The following SLC6A5 variants were observed in gnomAD, a reference collection of about 807,000 sequenced individuals.
SLC6A5 encodes sodium- and chloride-dependent glycine transporter 2.
In SLC6A5, 58 loss-of-function variants were observed where a neutral mutation model predicts 90.5. The observed-to-expected ratio is 0.64, with a 90% CI of 0.52 to 0.80. The LOEUF is 0.80. Among genes scored for constraint, SLC6A5 ranks in the 30% least tolerant of loss-of-function variants. The pLI, the probability that SLC6A5 is intolerant of heterozygous loss-of-function variation, is 0.00. For missense variants in SLC6A5, 1,015 were observed against 1,017.6 expected, an observed-to-expected ratio of 1.00 and a Z score of 0.03; for synonymous variants, 427 against 401.4, an observed-to-expected ratio of 1.06 and a Z score of -0.76.
chr11:20,605,886 G>GT (rs1157888288), intron 3 of SLC6A5, among the ~76,000 whole-genome samples: 1 of 152,242 alleles, frequency 6.6e-6, no homozygotes, highest in Non-Finnish European at 1.5e-5. Context: ...CAGGACCCCG[G>GT]TTTTACTGCC....
At chr11:20,619,261 G>C (rs1292508021) in intron 7 of SLC6A5, among the ~76,000 whole-genome samples, 1 of 152,212 alleles carries the variant, frequency 6.6e-6, no homozygotes, top group Non-Finnish European at 1.5e-5. Context: ...CCCCAGGCAT[G>C]CTTTGCATCC....
intron 9 of SLC6A5, among the ~76,000 whole-genome samples, chr11:20,629,659 C>T (rs1853069820): frequency 6.6e-6 from 1 of 151,692 alleles, no homozygotes; most frequent in Non-Finnish European, 1.5e-5. Context: ...ACTGACAGTT[C>T]ATTCTTCTAG....
chr11:20,645,438 G>A (rs1303425535), intron 13 of SLC6A5, among the ~76,000 whole-genome samples: 4 of 152,086 alleles, frequency 2.6e-5, no homozygotes, highest in Admixed American at 2.0e-4. Context: ...CTCTGGTGGA[G>A]CTCAGGGCAA....
intron 7 of SLC6A5, among the ~76,000 whole-genome samples, chr11:20,619,158 TA>T (rs1669446078): frequency 6.6e-6 from 1 of 152,144 alleles, no homozygotes; most frequent in African/African-American, 2.4e-5. Context: ...TTGGTTTGAT[TA>T]TCCAGGCCAA....
rs370014190 is a variant in SLC6A5 at position 20,654,841 on chromosome 11, G to A, written c.2367G>A (p.Lys789=). ...TSSLGLKLPV[K]DLELGTQC is the part of the protein sequence containing the mutation. ...CCTTGGGACTCAAACTGCCAGTGAA[G>A]GATTTGGAACTGGGCACTCAGTGCT... The change falls in exon 16 of 16, where the codon AAG becomes AAA. Residue 789 remains lysine, a synonymous_variant. Coordinates refer to ENST00000525748, the MANE Select transcript of SLC6A5 (RefSeq NM_004211.5). The A allele has an allele frequency of 1.1e-5, 18 of 1,614,066 alleles. No individual in the cohort carries two copies. The highest frequency in any genetic ancestry group is 1.4e-5 in the Non-Finnish European group (17 of 1,180,016).
At chr11:20,628,494 T>C (rs141236007) in intron 9 of SLC6A5, among the ~76,000 whole-genome samples, 34 of 152,352 alleles carry the variant, frequency 2.2e-4, no homozygotes, top group African/African-American at 8.2e-4. Flanking sequence ...ATCAGTCACA[T>C]TGGATCAGGG....
At chr11:20,614,569 C>A in intron 5 of SLC6A5, 110 bp from the exon 6 acceptor site, 1 of 1,005,828 alleles carries the variant, frequency 9.9e-7, no homozygotes, top group Non-Finnish European at 1.6e-6. Flanking sequence ...AAGGTACTCT[C>A]CAATATTTGC....
intron 13 of SLC6A5, among the ~76,000 whole-genome samples, chr11:20,638,770 A>T (rs1853259162): frequency 6.6e-6 from 1 of 152,170 alleles, no homozygotes. Context: ...CTGAAGGCGA[A>T]ACTTAAAAAT....
chr11:20,636,281 G>T lies in SLC6A5; in HGVS notation c.1625-26G>T, dbSNP rs745762137. On this transcript the variant is annotated intron_variant, in intron 10 of 15. Coordinates refer to ENST00000525748, the MANE Select transcript of SLC6A5 (RefSeq NM_004211.5). ...GAGCAGCCTTGAGTAGGGCCTGCCT[G>T]CAATCATCTGTCTTGTTCCTTCCAG... The T allele has an allele frequency of 2.1e-6, 3 of 1,453,996 alleles. No individual in the cohort carries two copies. In the African/African-American group the frequency reaches 4.2e-5, roughly 20 times the overall value. The allele number at this position is 1,453,996 out of a possible 1,614,324, so 90.1% of individuals were successfully genotyped here.
At chr11:20,640,669 A>G (rs1202873233) in intron 13 of SLC6A5, among the ~76,000 whole-genome samples, 1 of 148,886 alleles carries the variant, frequency 6.7e-6, no homozygotes, top group Non-Finnish European at 1.5e-5. Context: ...TCTCAGGAAG[A>G]AAAATAAGCT....
At chr11:20,627,066 A>G (rs1357359891) in intron 8 of SLC6A5, among the ~76,000 whole-genome samples, 1 of 152,202 alleles carries the variant, frequency 6.6e-6, no homozygotes, top group Non-Finnish European at 1.5e-5. Flanking sequence ...GTTATAGTAG[A>G]GGCCGAAAAT....
chr11:20,653,606 C>G (rs1253372910), intron 15 of SLC6A5, among the ~76,000 whole-genome samples: 1 of 152,184 alleles, frequency 6.6e-6, no homozygotes, highest in Non-Finnish European at 1.5e-5. Flanking sequence ...CTTCATTGGA[C>G]TAACGGTAGA....
intron 6 of SLC6A5, among the ~76,000 whole-genome samples, chr11:20,616,569 T>C (rs1852786448): frequency 6.6e-6 from 1 of 152,206 alleles, no homozygotes; most frequent in African/African-American, 2.4e-5. Flanking sequence ...GTTGACTATA[T>C]GGTTTACCTA....
intron 6 of SLC6A5, among the ~76,000 whole-genome samples, chr11:20,615,844 T>C (rs889592946): frequency 5.3e-5 from 8 of 152,286 alleles, no homozygotes; most frequent in African/African-American, 1.9e-4. Flanking sequence ...GTGGGGACTG[T>C]AGCAAACCAA....
chr11:20,621,246 C>T (rs1455052142), intron 7 of SLC6A5, among the ~76,000 whole-genome samples: 3 of 152,176 alleles, frequency 2.0e-5, no homozygotes, highest in Admixed American at 6.5e-5. Flanking sequence ...TGCATTTCTA[C>T]CCAGTCTCTG....
At position 20,601,515 on chromosome 11, in the gene SLC6A5, G is replaced by A. The variant is rs755829819; in HGVS notation, c.390G>A (p.Gly130=). ...CKIPFLRGPE[G]DANVSVGKGT... is the part of the protein sequence containing the mutation. The stretch of plus-strand genomic sequence containing the variant: ...TCCCTTTTCTGCGAGGCCCGGAGGG[G>A]GATGCGAACGTGAGTGTGGGCAAGG... The change falls in exon 2 of 16, where the codon GGG becomes GGA. Residue 130 remains glycine (G), a synonymous_variant. Transcript: ENST00000525748. 3.1e-6 allele frequency: 5 copies of A among 1,614,000 alleles called. No homozygotes were observed. In the African/African-American group the frequency reaches 5.3e-5, roughly 17 times the overall value.
chr11:20,610,052 A>T (rs550735608), intron 5 of SLC6A5, among the ~76,000 whole-genome samples: 1 of 152,320 alleles, frequency 6.6e-6, no homozygotes, highest in African/African-American at 2.4e-5. Flanking sequence ...TATTTCCGGA[A>T]TGGCTTCATT....
chr11:20,630,685 T>G lies in SLC6A5; in HGVS notation c.1500-6T>G. On this transcript the variant is annotated splice_polypyrimidine_tract_variant and splice_region_variant and intron_variant, in intron 9 of 15. Coordinates refer to ENST00000525748, the MANE Select transcript of SLC6A5 (RefSeq NM_004211.5). ...CTAATGGAAAACTCTGGTCTCTTCC[T>G]TCCAGGGACACTCTAATTGTCACCT... The G allele has an allele frequency of 6.2e-7, 1 of 1,614,232 alleles. No individual in the cohort carries two copies. The highest frequency in any genetic ancestry group is 8.5e-7 in the Non-Finnish European group (1 of 1,180,018).
chr11:20,600,338 A>AGAAGAAGAAGAAGAG (rs1852436443), intron 1 of SLC6A5, among the ~76,000 whole-genome samples: 2 of 28,352 alleles, frequency 7.1e-5, no homozygotes, highest in Non-Finnish European at 1.5e-4. Context: ...AAGAAGAGGA[A>AGAAGAAGAAGAAGAG]GAAGAAGAAG....
Sources: gnomAD v4.1 joint callset for allele counts (sites outside exome capture counted in the v4.1 genomes callset) on GRCh38, gnomAD v4.1.1 for gene constraint, MANE v1.5 for transcripts, NCBI Gene and HGNC (gene_info 2026-07-23, HGNC 2026-07-21) for gene names.